Variants in CHRNA7 observed in about 807,000 individuals in gnomAD.
CHRNA7 encodes the protein cholinergic receptor nicotinic alpha 7 subunit.
Under a neutral mutation model 48.0 loss-of-function variants are expected in CHRNA7, and 17 were observed. The ratio of observed to expected loss-of-function variants is 0.35; its 90% CI spans 0.24 to 0.53. CHRNA7 has a LOEUF of 0.53. Among genes scored for constraint, CHRNA7 ranks in the 20% least tolerant of loss-of-function variants. The pLI, the probability that CHRNA7 is intolerant of heterozygous loss-of-function variation, is 0.92. For missense variants in CHRNA7, 155 were observed against 577.7 expected (o/e 0.27, Z 7.50); for synonymous variants, 75 against 242.3 (o/e 0.31, Z 6.41).
chr15:32,134,908 T>C (rs2051224197), intron 4 of CHRNA7, among the ~76,000 whole-genome samples: 1 of 152,236 alleles, frequency 6.6e-6, no homozygotes, highest in Non-Finnish European at 1.5e-5. Flanking sequence ...GCGTGAATCA[T>C]AGAAAGCTAA....
chr15:32,070,482 G>A (rs554203057), intron 2 of CHRNA7, among the ~76,000 whole-genome samples: 3 of 151,980 alleles, frequency 2.0e-5, no homozygotes, highest in Non-Finnish European at 4.4e-5. Flanking sequence ...TTTTCATACA[G>A]TCTAATTTTA....
intron 2 of CHRNA7, chr15:32,100,448 C>T (rs1170336643): frequency 1.3e-5 from 2 of 153,170 alleles, no homozygotes; most frequent in Non-Finnish European, 2.9e-5. Flanking sequence ...GTCAGCCGTA[C>T]TAAAACGCAA....
intron 4 of CHRNA7, among the ~76,000 whole-genome samples, chr15:32,143,676 CTTCT>C (rs1313824332): frequency 6.6e-6 from 1 of 152,046 alleles, no homozygotes; most frequent in Non-Finnish European, 1.5e-5. Flanking sequence ...ATATAATGGC[CTTCT>C]TTGTCTCTTT....
intron 2 of CHRNA7, among the ~76,000 whole-genome samples, chr15:32,036,671 C>T (rs889374615): frequency 5.3e-5 from 8 of 151,858 alleles, no homozygotes; most frequent in Non-Finnish European, 1.2e-4. Context: ...TTTGCATTTC[C>T]CTGATGACAT....
intron 4 of CHRNA7, among the ~76,000 whole-genome samples, chr15:32,117,687 C>G (rs1482143628): frequency 2.6e-5 from 4 of 152,102 alleles, no homozygotes; most frequent in Non-Finnish European, 5.9e-5. Context: ...GCAAGGGGTG[C>G]CTATTCTACG....
intron 4 of CHRNA7, among the ~76,000 whole-genome samples, chr15:32,145,583 G>A (rs2051470624): frequency 6.6e-6 from 1 of 152,136 alleles, no homozygotes; most frequent in Admixed American, 6.5e-5. Context: ...CACTCAGTTC[G>A]AGCTTCCTGG....
At chr15:32,035,882 G>C (rs1457332125) in intron 2 of CHRNA7, among the ~76,000 whole-genome samples, 1 of 152,126 alleles carries the variant, frequency 6.6e-6, no homozygotes, top group South Asian at 2.1e-4. Flanking sequence ...TTCCCCACTA[G>C]AGTAGTATAT....
At chr15:32,137,052 A>AAG (rs2051280972) in intron 4 of CHRNA7, among the ~76,000 whole-genome samples, 1 of 149,922 alleles carries the variant, frequency 6.7e-6, no homozygotes, top group Non-Finnish European at 1.5e-5. Flanking sequence ...AAAAAGAAAA[A>AAG]AAAAAGAAAA....
chr15:32,042,167 T>C (rs1595376130), intron 2 of CHRNA7, among the ~76,000 whole-genome samples: 1 of 152,242 alleles, frequency 6.6e-6, no homozygotes. Context: ...AGGGGAAGCA[T>C]TCTATACTCC....
intron 2 of CHRNA7, among the ~76,000 whole-genome samples, chr15:32,076,164 A>C (rs1054716946): frequency 2.0e-5 from 3 of 152,052 alleles, no homozygotes; most frequent in Non-Finnish European, 1.5e-5. Flanking sequence ...GTGTTGTGTA[A>C]ATTTTAGTTA....
chr15:32,094,374 A>C (rs2050432140), intron 2 of CHRNA7, among the ~76,000 whole-genome samples: 1 of 152,212 alleles, frequency 6.6e-6, no homozygotes, highest in Non-Finnish European at 1.5e-5. Context: ...AACCAAACCA[A>C]CCAGGTTTCA....
intron 2 of CHRNA7, among the ~76,000 whole-genome samples, chr15:32,055,495 T>A (rs1217397528): frequency 1.3e-5 from 2 of 152,172 alleles, no homozygotes; most frequent in East Asian, 3.9e-4. Flanking sequence ...AAAGAGTGGG[T>A]GTGAGAGAGA....
chr15:32,048,794 C>G (rs754628976), intron 2 of CHRNA7, among the ~76,000 whole-genome samples: 2 of 151,862 alleles, frequency 1.3e-5, no homozygotes, highest in Non-Finnish European at 2.9e-5. Flanking sequence ...CCTGCTTTCT[C>G]TTGTGGGCAT....
chr15:32,125,546 G>A (rs2051051776), intron 4 of CHRNA7, among the ~76,000 whole-genome samples: 1 of 152,152 alleles, frequency 6.6e-6, no homozygotes, highest in South Asian at 2.1e-4. Flanking sequence ...GTCTTCTGGG[G>A]TCAAGAGGGG....
At chr15:32,041,529 C>T (rs2049447882) in intron 2 of CHRNA7, among the ~76,000 whole-genome samples, 1 of 152,262 alleles carries the variant, frequency 6.6e-6, no homozygotes, top group Non-Finnish European at 1.5e-5. Context: ...CCCTCACCTC[C>T]TGGTGTGTGG....
chr15:32,074,112 A>G (rs2050099538), intron 2 of CHRNA7, among the ~76,000 whole-genome samples: 1 of 150,496 alleles, frequency 6.6e-6, no homozygotes, highest in Non-Finnish European at 1.5e-5. Context: ...TTTGATGTCC[A>G]TATGCTCATT....
chr15:32,031,344 A>T (rs1901830322), intron 2 of CHRNA7, among the ~76,000 whole-genome samples: 1 of 152,240 alleles, frequency 6.6e-6, no homozygotes, highest in Admixed American at 6.5e-5. Context: ...GCTGGGACTC[A>T]GTAGCAAGAA....
At chr15:32,040,823 T>C (rs930370395) in intron 2 of CHRNA7, among the ~76,000 whole-genome samples, 1 of 152,118 alleles carries the variant, frequency 6.6e-6, no homozygotes, top group Non-Finnish European at 1.5e-5. Context: ...TCCCTTTTTT[T>C]AAAGAACTTC....
intron 2 of CHRNA7, among the ~76,000 whole-genome samples, chr15:32,097,336 T>G (rs891890072): frequency 1.3e-5 from 2 of 152,050 alleles, no homozygotes; most frequent in Admixed American, 6.5e-5. Flanking sequence ...CCCCACTAAA[T>G]GCATATGTTG....
Sources: gnomAD v4.1 joint callset for allele counts (sites outside exome capture counted in the v4.1 genomes callset) on GRCh38, gnomAD v4.1.1 for gene constraint, MANE v1.5 for transcripts, NCBI Gene and HGNC (gene_info 2026-07-23, HGNC 2026-07-21) for gene names.